SDCCAG8: variants seen among roughly 807,000 people sequenced by gnomAD.
SDCCAG8 encodes serologically defined colon cancer antigen 8.
Under a neutral mutation model 101.8 loss-of-function variants are expected in SDCCAG8, and 74 were observed. The observed-to-expected ratio is 0.73, with a 90% confidence interval of 0.60 to 0.88. SDCCAG8 has a LOEUF of 0.88. Among genes scored for constraint, SDCCAG8 ranks in the 40% least tolerant of loss-of-function variants. SDCCAG8 has a pLI of 0.00. For synonymous variants in SDCCAG8, 281 were observed against 292.9 expected, an observed-to-expected ratio of 0.96 and a Z score of 0.41; for missense variants, 787 against 822.6, an observed-to-expected ratio of 0.96 and a Z score of 0.53.
At chr1:243,359,297 C>T (rs1388422195) in intron 12 of SDCCAG8, among the ~76,000 whole-genome samples, 1 of 152,220 alleles carries the variant, frequency 6.6e-6, no homozygotes, top group Non-Finnish European at 1.5e-5. Flanking sequence ...ACAGGCTGTG[C>T]ACTGCACAAT....
rs2069612637 is a variant in SDCCAG8 at position 243,286,339 on chromosome 1, A to C, written c.488A>C (p.Gln163Pro). Reference sequence around the variant, plus strand: ...CTTGAAAACGAAGGGCTCCAGCAACAGCTAAAATCTCAAAGACAAGAGGAG... The same window carrying C: ...CTTGAAAACGAAGGGCTCCAGCAACCGCTAAAATCTCAAAGACAAGAGGAG... ...VVLENEGLQQ[Q>P]LKSQRQEETL... The change falls in exon 5 of 18, where the codon CAG (glutamine) becomes CCG (proline). Residue 163 changes from glutamine (Q) to proline (P), a missense_variant. Gln to Pro is a moderately conservative substitution (Grantham distance 76). Transcript: ENST00000366541. 5 of 1,614,016 alleles carry C rather than the reference A, an allele frequency of 3.1e-6. No individual in the cohort carries two copies. In the East Asian group the frequency reaches 1.1e-4, roughly 36 times the overall value.
chr1:243,424,891 A>G (rs1213804899), intron 15 of SDCCAG8, among the ~76,000 whole-genome samples: 2 of 151,778 alleles, frequency 1.3e-5, no homozygotes, highest in South Asian at 2.1e-4. Flanking sequence ...AATGTTCTGC[A>G]TTTTTTTCTA....
At position 243,362,355 on chromosome 1, in the gene SDCCAG8, A is replaced by C. The variant is rs367923777; in HGVS notation, c.1474-16366A>C. Among the ~76,000 whole-genome samples, 11 of 151,638 alleles carry C rather than the reference A, an allele frequency of 7.3e-5. No individual in the cohort carries two copies. In the East Asian group the frequency reaches 2.1e-3, roughly 30 times the overall value. The stretch of plus-strand genomic sequence containing the variant: ...GGATAGGTGGGTCAAGAGATGGCCA[A>C]GTGACTGCCTCAAGTAACACAGTAA... On this transcript the variant is annotated intron_variant, in intron 12 of 17. Coordinates refer to ENST00000366541, the MANE Select transcript of SDCCAG8 (RefSeq NM_006642.5).
chr1:243,386,852 G>A (rs2078338193), intron 13 of SDCCAG8, among the ~76,000 whole-genome samples: 1 of 152,104 alleles, frequency 6.6e-6, no homozygotes, highest in Admixed American at 6.6e-5. Context: ...GGTGAATTTT[G>A]GCTTGAATTT....
intron 9 of SDCCAG8, among the ~76,000 whole-genome samples, chr1:243,327,157 G>A (rs1030988659): frequency 9.2e-5 from 14 of 151,908 alleles, no homozygotes; most frequent in African/African-American, 3.4e-4. Flanking sequence ...CAGGACTTGG[G>A]AACTACTGAG....
chr1:243,328,914 C>T (rs779600169), intron 9 of SDCCAG8, among the ~76,000 whole-genome samples: 2 of 152,150 alleles, frequency 1.3e-5, no homozygotes, highest in African/African-American at 4.8e-5. Context: ...ATGATGATGA[C>T]TCCTGAGTTT....
chr1:243,277,913 A>T (rs1400154010), intron 4 of SDCCAG8, among the ~76,000 whole-genome samples: 3 of 152,122 alleles, frequency 2.0e-5, no homozygotes, highest in Non-Finnish European at 4.4e-5. Context: ...CTTTACATTA[A>T]GTCTTGAAGT....
chr1:243,300,711 C>G (rs2071412329), intron 6 of SDCCAG8, among the ~76,000 whole-genome samples: 1 of 152,164 alleles, frequency 6.6e-6, no homozygotes, highest in South Asian at 2.1e-4. Context: ...TCCTTCAAAT[C>G]TTAACATTTC....
intron 12 of SDCCAG8, among the ~76,000 whole-genome samples, chr1:243,373,018 A>G (rs1217980016): frequency 6.6e-6 from 1 of 150,954 alleles, no homozygotes; most frequent in Non-Finnish European, 1.5e-5. Flanking sequence ...AATAAGATGG[A>G]ATAGGAAATG....
At chr1:243,394,199 G>A (rs2147951902) in intron 13 of SDCCAG8, among the ~76,000 whole-genome samples, 1 of 152,220 alleles carries the variant, frequency 6.6e-6, no homozygotes, top group South Asian at 2.1e-4. Flanking sequence ...TTTTGGAGGG[G>A]GAGGGGGAAA....
At chr1:243,269,474 G>A (rs2067905812) in intron 1 of SDCCAG8, among the ~76,000 whole-genome samples, 1 of 151,950 alleles carries the variant, frequency 6.6e-6, no homozygotes, top group Non-Finnish European at 1.5e-5. Flanking sequence ...TCTAGGGGTG[G>A]TCAGTTGCAC....
intron 16 of SDCCAG8, among the ~76,000 whole-genome samples, chr1:243,485,924 C>T (rs1162626290): frequency 1.3e-5 from 2 of 149,754 alleles, no homozygotes; most frequent in Non-Finnish European, 3.0e-5. Flanking sequence ...TCGGGCCGGG[C>T]GTGGTGGCTC....
chr1:243,289,006 CA>C (rs1169573983), intron 5 of SDCCAG8, among the ~76,000 whole-genome samples: 6,511 of 83,636 alleles, frequency 0.078, 243 homozygotes, highest in African/African-American at 0.19. Context: ...GACTCCATCT[CA>C]AAAAAAAAAA....
At chr1:243,497,627 A>G (rs995427167) in intron 17 of SDCCAG8, among the ~76,000 whole-genome samples, 5 of 152,162 alleles carry the variant, frequency 3.3e-5, no homozygotes, top group African/African-American at 1.2e-4. Context: ...ATGTAGACTC[A>G]TCATGAGAAA....
intron 13 of SDCCAG8, among the ~76,000 whole-genome samples, chr1:243,389,816 G>A (rs2078589529): frequency 6.6e-6 from 1 of 152,138 alleles, no homozygotes; most frequent in South Asian, 2.1e-4. Context: ...AGGAGAGTAG[G>A]CAGGGGATGA....
intron 1 of SDCCAG8, among the ~76,000 whole-genome samples, chr1:243,265,016 G>A (rs1050409323): frequency 6.6e-6 from 1 of 152,198 alleles, no homozygotes; most frequent in Non-Finnish European, 1.5e-5. Context: ...TTAAATGTAA[G>A]GAGCAGATAA....
intron 8 of SDCCAG8, among the ~76,000 whole-genome samples, chr1:243,313,814 G>T (rs2072988067): frequency 6.6e-6 from 1 of 152,158 alleles, no homozygotes; most frequent in African/African-American, 2.4e-5. Context: ...GAGCAGGACT[G>T]TAGCTAACTG....
At chr1:243,261,568 G>A (rs1370688545) in intron 1 of SDCCAG8, among the ~76,000 whole-genome samples, 2 of 152,168 alleles carry the variant, frequency 1.3e-5, no homozygotes, top group Non-Finnish European at 2.9e-5. Flanking sequence ...ATTGTAGAAG[G>A]GCTGTGTTAG....
At chr1:243,483,094 G>C (rs1053115409) in intron 16 of SDCCAG8, among the ~76,000 whole-genome samples, 1 of 152,180 alleles carries the variant, frequency 6.6e-6, no homozygotes, top group African/African-American at 2.4e-5. Flanking sequence ...CTCTCAAAAC[G>C]ACAGTCGCCC....
Sources: allele counts gnomAD v4.1 joint callset (sites outside exome capture counted in the v4.1 genomes callset), GRCh38; gene constraint gnomAD v4.1.1; transcripts MANE v1.5; gene names NCBI Gene and HGNC (gene_info 2026-07-23, HGNC 2026-07-21).